ALAS2: variants seen among roughly 807,000 people sequenced by gnomAD.
ALAS2 encodes 5'-aminolevulinate synthase 2.
In ALAS2, 3 loss-of-function variants were observed where a neutral mutation model predicts 33.7. The observed-to-expected ratio is 0.09, with a 90% confidence interval of 0.04 to 0.23. ALAS2 has a LOEUF of 0.23. Among genes scored for constraint, ALAS2 ranks in the 10% least tolerant of loss-of-function variants. ALAS2 has a pLI of 1.00. For missense variants in ALAS2, 304 were observed against 475.1 expected (o/e 0.64, Z 3.35); for synonymous variants, 191 against 177.3 (o/e 1.08, Z -0.61).
In ALAS2 at chrX:55,023,127, C is replaced by T. The variant is rs567407337; in HGVS notation, c.415+630G>A. The stretch of plus-strand genomic sequence containing the variant: ...TTTTTAAGTGAACAAAACAGCATAA[C>T]GAACTCCAGGTAAAATAAGATCACA... On this transcript the variant is annotated intron_variant, in intron 4 of 10. Transcript: ENST00000650242. Among the ~76,000 whole-genome samples, 14 of 109,433 alleles carry T rather than the reference C, an allele frequency of 1.3e-4. No individual in the cohort carries two copies. In the South Asian group the frequency reaches 5.2e-3, roughly 41 times the overall value.
At chrX:55,020,176 G>T (rs1312869189) in intron 6 of ALAS2, 144 bp downstream of exon 6, 2 of 589,534 alleles carry the variant, frequency 3.4e-6, no homozygotes, top group East Asian at 7.2e-5. Context: ...ATTATCCAGT[G>T]TTGAGGATAT....
chrX:55,030,221 G>T (rs2742930), intron 1 of ALAS2, among the ~76,000 whole-genome samples: 1 of 111,787 alleles, frequency 8.9e-6, no homozygotes, highest in Non-Finnish European at 1.9e-5. Context: ...GAGAGTGAAT[G>T]ACTTGCCTAG....
chrX:55,024,484 T>C (rs1245575983), intron 3 of ALAS2, among the ~76,000 whole-genome samples: 3 of 112,001 alleles, frequency 2.7e-5, no homozygotes, highest in East Asian at 5.6e-4. Flanking sequence ...TCTAGAGGGC[T>C]CATCTTAGAA....
chrX:55,028,432 C>G (rs1413046098), intron 1 of ALAS2, among the ~76,000 whole-genome samples: 1 of 111,210 alleles, frequency 9.0e-6, no homozygotes, highest in African/African-American at 3.3e-5. Flanking sequence ...ACAATAATGC[C>G]AACAACATTG....
At chrX:55,018,792 A>G (rs756664418) in intron 6 of ALAS2, among the ~76,000 whole-genome samples, 1 of 111,139 alleles carries the variant, frequency 9.0e-6, no homozygotes, top group East Asian at 2.9e-4. Context: ...GGGGTGACAA[A>G]GATAGTTTTG....
chrX:55,011,639 T>C (rs1935603775), intron 10 of ALAS2, among the ~76,000 whole-genome samples: 2 of 111,883 alleles, frequency 1.8e-5, no homozygotes, highest in South Asian at 3.8e-4. Context: ...TAGATAACTT[T>C]TGCAGGATTT....
At chrX:55,026,304 G>C (rs1350503539) in intron 1 of ALAS2, among the ~76,000 whole-genome samples, 1 of 112,309 alleles carries the variant, frequency 8.9e-6, no homozygotes, top group African/African-American at 3.2e-5. Context: ...CCTCTGTGAT[G>C]ATGAGGATCA....
intron 7 of ALAS2, among the ~76,000 whole-genome samples, chrX:55,015,959 C>T (rs112081537): frequency 1.2e-5 from 1 of 80,163 alleles, no homozygotes; most frequent in Non-Finnish European, 2.4e-5. Flanking sequence ...CTCTGTCTCT[C>T]TGTGTGTGTG....
intron 7 of ALAS2, 116 bp downstream of exon 7, chrX:55,017,370 C>T: frequency 1.4e-6 from 1 of 732,746 alleles, no homozygotes; most frequent in African/African-American, 2.1e-5. Context: ...TTGCTTGGCA[C>T]ATAATAAACA....
At chrX:55,024,225 G>A (rs1309419800) in intron 3 of ALAS2, among the ~76,000 whole-genome samples, 2 of 111,849 alleles carry the variant, frequency 1.8e-5, no homozygotes, top group African/African-American at 6.5e-5. Context: ...TGAAGTTTTT[G>A]TCCTTAATGA....
rs1935677972 is a variant in ALAS2, at chrX:55,015,167, T to C, written c.1169-152A>G. ...TGCTCATCTGTCCATGACAAGGCAG[T>C]CGTAGCTGATAATTCTGCTGCTTTG... On this transcript the variant is annotated intron_variant, in intron 8 of 10. Transcript: ENST00000650242. 1.9e-5 allele frequency: 12 copies of C among 623,373 alleles called. No homozygotes were observed. The South Asian group carries it at 3.0e-4, about 16-fold the overall frequency. 51.4% of individuals were successfully genotyped at this position (623,373 alleles called of 1,213,427 possible).
chrX:55,024,327 G>C (rs986916158), intron 3 of ALAS2, among the ~76,000 whole-genome samples: 1 of 111,530 alleles, frequency 9.0e-6, no homozygotes, highest in Non-Finnish European at 1.9e-5. Context: ...AGTTGACCTG[G>C]GGATCTGCAC....
Position 55,009,251 on chromosome X carries a change from C to CA in ALAS2, c.1692dup (p.Glu565Ter). On this transcript the variant is annotated frameshift_variant, in exon 11 of 11. Coordinates refer to ENST00000650242, the MANE Select transcript of ALAS2 (RefSeq NM_000032.5). LOFTEE classifies it high-confidence loss of function. ...GAACGTTCCCACTCACTCATGAGCTCAAAGTGTACAGGACGGCGACAGAAA... is the reference window on the plus strand; with the variant it reads ...GAACGTTCCCACTCACTCATGAGCTCAAAAGTGTACAGGACGGCGACAGAAA... 1 of 1,207,071 alleles carries CA rather than the reference C, an allele frequency of 8.3e-7. No individual in the cohort carries two copies. Among genetic ancestry groups the CA allele is most frequent in the East Asian group, 3.0e-5 (1 of 33,754 alleles).
At chrX:55,010,537 T>C (rs1935584687) in intron 10 of ALAS2, among the ~76,000 whole-genome samples, 1 of 110,959 alleles carries the variant, frequency 9.0e-6, no homozygotes, top group South Asian at 3.8e-4. Context: ...TCCTCAAATA[T>C]AAAAGGAATA....
At chrX:55,019,738 C>T (rs866113937) in intron 6 of ALAS2, among the ~76,000 whole-genome samples, 10 of 111,549 alleles carry the variant, frequency 9.0e-5, no homozygotes, top group African/African-American at 3.3e-4. Context: ...ACATTACAGA[C>T]TAGAGAGTAG....
rs756907473 is a variant in ALAS2 at position 55,009,353 on chromosome X, G to A, written c.1601-10C>T. The A allele has an allele frequency of 2.5e-6, 3 of 1,192,001 alleles. No individual in the cohort carries two copies. The highest frequency in any genetic ancestry group is 3.4e-6 in the Non-Finnish European group (3 of 885,678). On this transcript the variant is annotated splice_polypyrimidine_tract_variant and intron_variant, in intron 10 of 10. Coordinates refer to ENST00000650242, the MANE Select transcript of ALAS2 (RefSeq NM_000032.5). ...GCCAGCAGCAGCTTCTCTGAAGGTG[G>A]TAGGGGGAGGGGAGGGAAAAAATGG...
chrX:55,015,746 A>C lies in ALAS2; in HGVS notation c.1004-4T>G. 1 of 1,210,682 alleles carries C rather than the reference A, an allele frequency of 8.3e-7. No homozygotes were observed. Among genetic ancestry groups the C allele is most frequent in the Non-Finnish European group, 1.1e-6 (1 of 894,948 alleles). On this transcript the variant is annotated splice_region_variant and splice_polypyrimidine_tract_variant and intron_variant, in intron 7 of 10. Transcript: ENST00000650242. ...TCCTCGAGGGGACAGATGGCACCTGAGCAAAGCCAAGGGATAGAGGTAGGA... is the reference window on the plus strand; with the variant it reads ...TCCTCGAGGGGACAGATGGCACCTGCGCAAAGCCAAGGGATAGAGGTAGGA...
rs1214952146 is a variant in ALAS2 at position 55,017,671 on chromosome X, G to C, written c.824-6C>G. On this transcript the variant is annotated splice_polypyrimidine_tract_variant and splice_region_variant and intron_variant, in intron 6 of 10. Transcript: ENST00000650242. ...GTCTGAGTAAATCTCGCACCCTGAGGAAGCAGATGTATAATCCTTAAGCTT... is the reference window on the plus strand; with the variant it reads ...GTCTGAGTAAATCTCGCACCCTGAGCAAGCAGATGTATAATCCTTAAGCTT... 1 of 1,209,839 alleles carries C rather than the reference G, an allele frequency of 8.3e-7. No homozygotes were observed. Among genetic ancestry groups the C allele is most frequent in the Non-Finnish European group, 1.1e-6 (1 of 893,842 alleles).
rs1276115878 is a variant in ALAS2 at position 55,030,963 on chromosome X, G to T, written c.-37C>A. 2 of 340,362 alleles carry T rather than the reference G, an allele frequency of 5.9e-6. No homozygotes were observed. Among genetic ancestry groups the T allele is most frequent in the Non-Finnish European group, 1.2e-5 (2 of 169,741 alleles). 28.0% of individuals were successfully genotyped at this position (340,362 alleles called of 1,213,427 possible). ...TTACCTGTTGCCCTGCACTGAGGAC[G>T]AACGAATGACAGGTGGGTACTTGGG... On this transcript the variant is annotated 5_prime_UTR_variant, in exon 1 of 11. Transcript: ENST00000650242.
Sources: allele counts gnomAD v4.1 joint callset (sites outside exome capture counted in the v4.1 genomes callset), GRCh38; gene constraint gnomAD v4.1.1; transcripts MANE v1.5; gene names NCBI Gene and HGNC (gene_info 2026-07-23, HGNC 2026-07-21).